Variants in SLC6A18 observed in about 807,000 individuals in gnomAD.
SLC6A18 encodes solute carrier family 6 member 18.
SLC6A18 carries 58 observed loss-of-function variants against 62.9 expected under a neutral mutation model. That is an observed-to-expected ratio of 0.92 (90% CI 0.75 to 1.15). The LOEUF (loss-of-function observed/expected upper bound fraction) is 1.15, where lower values mean the gene tolerates loss of function less well. Among genes scored for constraint, SLC6A18 ranks in the 50% most tolerant of loss-of-function variants. The probability of loss-of-function intolerance (pLI) is 0.00; values close to 1 mark genes in which losing one functional copy is unlikely to be tolerated. For synonymous variants in SLC6A18, 382 were observed against 365.8 expected, an observed-to-expected ratio of 1.04 and a Z score of -0.51; for missense variants, 793 against 836.6, an observed-to-expected ratio of 0.95 and a Z score of 0.64.
intron 2 of SLC6A18, 58 bp downstream of exon 2, chr5:1,232,417 A>C: frequency 1.4e-6 from 2 of 1,452,080 alleles, no homozygotes; most frequent in Non-Finnish European, 1.9e-6. Flanking sequence ...GCCCTCCTGG[A>C]TGAGAGGTGG....
In SLC6A18 at chr5:1,241,873, C is replaced by A. The variant is rs1345836386; in HGVS notation, c.975-834C>A. On this transcript the variant is annotated intron_variant, in intron 7 of 11. Coordinates refer to ENST00000324642, the MANE Select transcript of SLC6A18 (RefSeq NM_182632.3). This position sits in a 1 kb window ranked among gnomAD's most constrained non-coding sequence, Gnocchi z 7.8. ...AAGGACCAGCCGTGCGCACAACGCC[C>A]TGCGCCGTGCAGCCCAAGCTGGCCT... 6.6e-6 allele frequency among the ~76,000 whole-genome samples: 1 copy of A among 152,254 alleles called. No homozygotes were observed. Among genetic ancestry groups the A allele is most frequent in the Non-Finnish European group, 1.5e-5 (1 of 68,050 alleles).
In SLC6A18 at chr5:1,232,810, T is replaced by C. The variant is rs1465612716; in HGVS notation, c.361T>C (p.Trp121Arg). 6.2e-7 allele frequency: 1 copy of C among 1,613,342 alleles called. No individual in the cohort carries two copies. Among genetic ancestry groups the C allele is most frequent in the Non-Finnish European group, 8.5e-7 (1 of 1,180,000 alleles). Residue 121 changes from tryptophan to arginine, a missense_variant, in exon 3 of 12, where the codon TGG (tryptophan) becomes CGG (arginine). By Grantham distance (101) the Trp-to-Arg change is moderately radical. Coordinates refer to ENST00000324642, the MANE Select transcript of SLC6A18 (RefSeq NM_182632.3). Reference sequence around the variant, plus strand: ...CCTGTACTACAACACCATCGTGGCGTGGGTGCTGTGGTACCTCCTCAACTC... The same window carrying C: ...CCTGTACTACAACACCATCGTGGCGCGGGTGCTGTGGTACCTCCTCAACTC... ...ISLYYNTIVA[W>R]VLWYLLNSFQ... is the part of the protein sequence containing the mutation.
chr5:1,240,050 G>T (rs1219882754), intron 6 of SLC6A18, among the ~76,000 whole-genome samples: 1 of 152,192 alleles, frequency 6.6e-6, no homozygotes, highest in Non-Finnish European at 1.5e-5. Flanking sequence ...GCATGAGATG[G>T]GAGAGGCAGG....
intron 3 of SLC6A18, among the ~76,000 whole-genome samples, chr5:1,233,253 A>G (rs978344209): frequency 6.6e-6 from 1 of 152,200 alleles, no homozygotes; most frequent in Non-Finnish European, 1.5e-5. Context: ...CGAGGTGGGC[A>G]GATCACTTGA....
rs1747138195 is a variant in SLC6A18 at position 1,243,865 on chromosome 5, A to G, written c.1336+106A>G. 1 of 1,099,848 alleles carries G rather than the reference A, an allele frequency of 9.1e-7. No individual in the cohort carries two copies. The highest frequency in any genetic ancestry group is 2.6e-5 in the East Asian group (1 of 38,690). The allele number at this position is 1,099,848 out of a possible 1,614,324, so 68.1% of individuals were successfully genotyped here. ...TCCTGGATGGAGAGCGCAAGGGGCCAAGCCTGAGTTCAGGGAAAGGCTGAG... is the reference window on the plus strand; with the variant it reads ...TCCTGGATGGAGAGCGCAAGGGGCCGAGCCTGAGTTCAGGGAAAGGCTGAG... On this transcript the variant is annotated intron_variant, in intron 9 of 11. Coordinates refer to ENST00000324642, the MANE Select transcript of SLC6A18 (RefSeq NM_182632.3). This position sits in a 1 kb window ranked among gnomAD's most constrained non-coding sequence, Gnocchi z 6.5.
rs1747208055 is a variant in SLC6A18 at position 1,245,956 on chromosome 5, C to T, written c.1765C>T (p.Gln589Ter). The change falls in exon 12 of 12, where the codon CAG becomes TAG. Residue 589 changes from glutamine to a stop codon, truncating the protein, a stop_gained. Transcript: ENST00000324642. LOFTEE classifies it low-confidence loss of function (END_TRUNC). Reference sequence around the variant, plus strand: ...GTGGGTCCCGGTGGCCGCGCTTGCTCAGCTGCTCACCCGGCGGAGGCGGAC... The same window carrying T: ...GTGGGTCCCGGTGGCCGCGCTTGCTTAGCTGCTCACCCGGCGGAGGCGGAC... ...VLWVPVAALA[Q>*]LLTRRRRTWR... 8 of 1,602,196 alleles carry T rather than the reference C, an allele frequency of 5.0e-6. No homozygotes were observed. Among genetic ancestry groups the T allele is most frequent in the Non-Finnish European group, 6.8e-6 (8 of 1,179,250 alleles).
At chr5:1,231,659 A>G (rs929767988) in intron 1 of SLC6A18, among the ~76,000 whole-genome samples, 1 of 152,254 alleles carries the variant, frequency 6.6e-6, no homozygotes, top group South Asian at 2.1e-4. Context: ...AAAAGCAGCC[A>G]GACCTCCTCC....
chr5:1,245,710 C>T, intron 11 of SLC6A18, 138 bp from the exon 12 acceptor site: 1 of 952,168 alleles, frequency 1.1e-6, no homozygotes, highest in Non-Finnish European at 1.5e-6. Flanking sequence ...GGCCTGGCCA[C>T]TGCTCTGGCC....
Position 1,238,668 on chromosome 5 carries a change from T to C in SLC6A18, c.732+608T>C, listed in dbSNP as rs541501658. On this transcript the variant is annotated intron_variant, in intron 5 of 11. Coordinates refer to ENST00000324642, the MANE Select transcript of SLC6A18 (RefSeq NM_182632.3). Reference sequence around the variant, plus strand: ...CTCAGGAAAGAGGTCAGGTTTGGAGTGGGCCTGGAGGAGGACTTCGGTCTG... The same window carrying C: ...CTCAGGAAAGAGGTCAGGTTTGGAGCGGGCCTGGAGGAGGACTTCGGTCTG... Among the ~76,000 whole-genome samples, 3 of 150,776 alleles carry C rather than the reference T, an allele frequency of 2.0e-5. No homozygotes were observed. The South Asian group carries it at 6.3e-4, about 32-fold the overall frequency.
At chr5:1,228,250 G>A (rs1360098192) in intron 1 of SLC6A18, among the ~76,000 whole-genome samples, 1 of 152,204 alleles carries the variant, frequency 6.6e-6, no homozygotes, top group African/African-American at 2.4e-5. Context: ...CTGCCCGGGG[G>A]GAGTTTCCAC....
Position 1,244,293 on chromosome 5 carries a change from C to T in SLC6A18, c.1416C>T (p.Asp472=). 1 of 1,614,042 alleles carries T rather than the reference C, an allele frequency of 6.2e-7. No individual in the cohort carries two copies. The highest frequency in any genetic ancestry group is 8.5e-7 in the Non-Finnish European group (1 of 1,180,006). The change falls in exon 10 of 12, where the codon GAC becomes GAT. Residue 472 remains aspartate (D), a synonymous_variant. Transcript: ENST00000324642. ...QSGNYWLEIF[D]NFAASPNLLM... ...GGAACTACTGGCTGGAGATTTTCGA[C>T]AATTTTGCCGCTTCCCCGAACCTGC...
Position 1,225,570 on chromosome 5 carries a change from C to T in SLC6A18, c.93C>T (p.Cys31=), listed in dbSNP as rs766638311. Residue 31 remains cysteine, a synonymous_variant, in exon 1 of 12, where the codon TGC becomes TGT. Transcript: ENST00000324642. ...WDNKAQYLLS[C]TGFAVGLGNI... ...ACAAGGCCCAGTACCTCCTGAGCTG[C>T]ACTGGGTTTGCCGTGGGACTGGGGA... 1 of 1,612,210 alleles carries T rather than the reference C, an allele frequency of 6.2e-7. No individual in the cohort carries two copies. The highest frequency in any genetic ancestry group is 8.5e-7 in the Non-Finnish European group (1 of 1,178,872).
At chr5:1,228,639 T>G (rs772155891) in intron 1 of SLC6A18, among the ~76,000 whole-genome samples, 43 of 152,340 alleles carry the variant, frequency 2.8e-4, no homozygotes, top group Non-Finnish European at 4.4e-4. Context: ...TATGAACGAC[T>G]GCTAAACTTC....
chr5:1,230,869 A>T (rs1327811086), intron 1 of SLC6A18, among the ~76,000 whole-genome samples: 2 of 152,178 alleles, frequency 1.3e-5, no homozygotes, highest in African/African-American at 4.8e-5. Context: ...AGCCCTGGGC[A>T]CAGACGTGGA....
In SLC6A18 at chr5:1,244,373, G is replaced by C. The variant is rs370899668; in HGVS notation, c.1496G>C (p.Arg499Pro). The C allele has an allele frequency of 1.2e-6, 2 of 1,613,518 alleles. No individual in the cohort carries two copies. Among genetic ancestry groups the C allele is most frequent in the South Asian group, 1.1e-5 (1 of 91,066 alleles). Reference sequence around the variant, plus strand: ...GTCGTTTATGTTTATGGAATGAAACGGTGAGCTGCCGCCCCGCCGAGTGCT... The same window carrying C: ...GTCGTTTATGTTTATGGAATGAAACCGTGAGCTGCCGCCCCGCCGAGTGCT... ...VGVVYVYGMK[R>P]FCDDIAWMTG... is the part of the protein sequence containing the mutation. The change falls in exon 10 of 12, where the codon CGG (arginine) becomes CCG (proline). Residue 499 changes from arginine to proline, a missense_variant and splice_region_variant. By Grantham distance (103) the Arg-to-Pro change is moderately radical (BLOSUM62 -2). Coordinates refer to ENST00000324642, the MANE Select transcript of SLC6A18 (RefSeq NM_182632.3).
At chr5:1,228,788 C>T (rs1343598948) in intron 1 of SLC6A18, among the ~76,000 whole-genome samples, 1 of 152,184 alleles carries the variant, frequency 6.6e-6, no homozygotes, top group Non-Finnish European at 1.5e-5. Context: ...GGAAGGATGG[C>T]GTGAGCCTGG....
chr5:1,231,291 G>A (rs1259169108), intron 1 of SLC6A18, among the ~76,000 whole-genome samples: 3 of 152,216 alleles, frequency 2.0e-5, no homozygotes, highest in Non-Finnish European at 4.4e-5. Flanking sequence ...GAGCCGGCCT[G>A]TTCCCCCTGC....
rs535812744 is a variant in SLC6A18, at chr5:1,238,153, G to C, written c.732+93G>C. 1.2e-5 allele frequency: 12 copies of C among 1,009,084 alleles called. No homozygotes were observed. In the South Asian group the frequency reaches 1.5e-4, roughly 13 times the overall value. The allele number at this position is 1,009,084 out of a possible 1,614,324, so 62.5% of individuals were successfully genotyped here. ...CCCTCCCTCACCTGGGAGCGTGAGA[G>C]GCCAGGAGCCACTCCAGCAGCTGGG... On this transcript the variant is annotated intron_variant, in intron 5 of 11. Transcript: ENST00000324642.
chr5:1,225,742 C>T (rs1031783181), intron 1 of SLC6A18, 105 bp downstream of exon 1: 4 of 1,369,394 alleles, frequency 2.9e-6, no homozygotes, highest in Admixed American at 2.5e-5. Flanking sequence ...TGGGCAGAGT[C>T]ACTCCTCCTG....
Sources: allele counts gnomAD v4.1 joint callset (sites outside exome capture counted in the v4.1 genomes callset), GRCh38; gene constraint gnomAD v4.1.1; non-coding constraint Gnocchi (gnomAD v3.1); transcripts MANE v1.5; gene names NCBI Gene and HGNC (gene_info 2026-07-23, HGNC 2026-07-21).